Variants in OSBPL11 observed in about 807,000 individuals in gnomAD.
OSBPL11 encodes oxysterol binding protein like 11, also known as oxysterol-binding protein-related protein 11.
Under a neutral mutation model 84.4 loss-of-function variants are expected in OSBPL11, and 33 were observed. That is an observed-to-expected ratio of 0.39 (90% CI 0.30 to 0.52). The LOEUF is 0.52. Among genes scored for constraint, OSBPL11 ranks in the 20% least tolerant of loss-of-function variants. The pLI is 0.72. For synonymous variants in OSBPL11, 276 were observed against 310.2 expected (o/e 0.89, Z 1.16); for missense variants, 736 against 901.1 (o/e 0.82, Z 2.35).
chr3:125,576,157 T>C, intron 5 of OSBPL11, 32 bp downstream of exon 5: 2 of 1,570,064 alleles, frequency 1.3e-6, no homozygotes, highest in Non-Finnish European at 8.6e-7. Flanking sequence ...AATCATTTTG[T>C]GCATTTTAAC....
At chr3:125,579,489 T>C (rs758516753) in intron 3 of OSBPL11, among the ~76,000 whole-genome samples, 3 of 152,228 alleles carry the variant, frequency 2.0e-5, no homozygotes, top group African/African-American at 7.2e-5. Context: ...AATGACATTA[T>C]AATAAATCCC....
chr3:125,554,198 T>G (rs997226153), intron 8 of OSBPL11, among the ~76,000 whole-genome samples: 5 of 152,202 alleles, frequency 3.3e-5, no homozygotes, highest in Non-Finnish European at 7.4e-5. Flanking sequence ...AACAAGGTGG[T>G]CTATTCTCTA....
intron 5 of OSBPL11, among the ~76,000 whole-genome samples, chr3:125,573,178 G>A (rs1936268562): frequency 6.6e-6 from 1 of 151,728 alleles, no homozygotes; most frequent in East Asian, 1.9e-4. Context: ...TTTAGTGATG[G>A]TTCCTTGATA....
chr3:125,555,398 C>G (rs1410152347), intron 8 of OSBPL11, among the ~76,000 whole-genome samples: 1 of 152,130 alleles, frequency 6.6e-6, no homozygotes, highest in African/African-American at 2.4e-5. Flanking sequence ...ATATATACAT[C>G]TATCCTCTTA....
chr3:125,565,979 T>A (rs1936147865), intron 6 of OSBPL11, among the ~76,000 whole-genome samples: 1 of 152,100 alleles, frequency 6.6e-6, no homozygotes, highest in South Asian at 2.1e-4. Flanking sequence ...CCACAGTTTG[T>A]TCCTTTTGGT....
intron 1 of OSBPL11, among the ~76,000 whole-genome samples, chr3:125,585,216 C>T (rs1368732074): frequency 4.6e-5 from 7 of 152,132 alleles, no homozygotes; most frequent in Admixed American, 3.3e-4. Context: ...CTGCAACCTT[C>T]GCCTCTGGGG....
intron 12 of OSBPL11, 88 bp from the exon 13 acceptor site, chr3:125,530,668 G>T: frequency 9.4e-7 from 1 of 1,065,288 alleles, no homozygotes; most frequent in Admixed American, 2.0e-5. Flanking sequence ...CACTGAAATG[G>T]AATTCTATTT....
chr3:125,546,763 T>C (rs1935824149), intron 10 of OSBPL11, among the ~76,000 whole-genome samples: 1 of 152,076 alleles, frequency 6.6e-6, no homozygotes, highest in Non-Finnish European at 1.5e-5. Flanking sequence ...TGGTGGCACA[T>C]GCCGTAATCA....
intron 10 of OSBPL11, among the ~76,000 whole-genome samples, chr3:125,540,870 G>A (rs1189816432): frequency 6.6e-6 from 1 of 152,152 alleles, no homozygotes; most frequent in African/African-American, 2.4e-5. Flanking sequence ...ATATACTGCA[G>A]GTAGGCCATG....
chr3:125,576,244 T>TGCA lies in OSBPL11; in HGVS notation c.608_610dup (p.Leu203dup). 1 of 1,611,604 alleles carries TGCA rather than the reference T, an allele frequency of 6.2e-7. No individual in the cohort carries two copies. Among genetic ancestry groups the TGCA allele is most frequent in the Non-Finnish European group, 8.5e-7 (1 of 1,179,356 alleles). ...TAAATTAGTTCTTTTGCTCAGTGAT[T>TGCA]GCAGTTTGGAATGTCCAACATTAAA... On this transcript the variant is annotated inframe_insertion, in exon 5 of 13. Coordinates refer to ENST00000296220, the MANE Select transcript of OSBPL11 (RefSeq NM_022776.5).
intron 1 of OSBPL11, among the ~76,000 whole-genome samples, chr3:125,587,837 A>G (rs1287834778): frequency 2.0e-5 from 3 of 152,120 alleles, no homozygotes; most frequent in Non-Finnish European, 4.4e-5. Flanking sequence ...TACTCAGGAC[A>G]CTGAGATGGG....
chr3:125,547,446 T>G lies in OSBPL11; in HGVS notation c.1801A>C (p.Thr601Pro), dbSNP rs760914264. The G allele has an allele frequency of 1.2e-6, 2 of 1,614,050 alleles. No individual in the cohort carries two copies. Among genetic ancestry groups the G allele is most frequent in the Admixed American group, 3.3e-5 (2 of 60,004 alleles). Residue 601 changes from threonine (T) to proline (P), a missense_variant, in exon 10 of 13, where the codon ACT becomes CCT. Around this residue, in one of 3 missense-constraint regions of OSBPL11, gnomAD observed 579 missense variants for 717.6 expected, o/e 0.81. Coordinates refer to ENST00000296220, the MANE Select transcript of OSBPL11 (RefSeq NM_022776.5). ...CCATAAAATGGCTTGGTATGAAAAG[T>G]GATGCTGGCTGAATATCCAGTTTTT... ...CAKTGYSASITFHTKPFYGGK... is the reference protein window; with the variant it reads ...CAKTGYSASIPFHTKPFYGGK...
At chr3:125,546,205 G>A (rs1935812403) in intron 10 of OSBPL11, among the ~76,000 whole-genome samples, 1 of 139,258 alleles carries the variant, frequency 7.2e-6, no homozygotes, top group African/African-American at 2.7e-5. Context: ...ACAGAGTCCT[G>A]TTCTGTCACC....
At chr3:125,570,262 TGGGA>T (rs1164468646) in intron 5 of OSBPL11, among the ~76,000 whole-genome samples, 1 of 141,274 alleles carries the variant, frequency 7.1e-6, no homozygotes, top group Non-Finnish European at 1.5e-5. Context: ...GAGGCCAGGG[TGGGA>T]GGGTCACTTG....
chr3:125,554,415 C>T (rs1157597620), intron 8 of OSBPL11, among the ~76,000 whole-genome samples: 1 of 152,136 alleles, frequency 6.6e-6, no homozygotes, highest in African/African-American at 2.4e-5. Context: ...AGAAGAAAAA[C>T]CTAATGATAC....
At chr3:125,568,388 G>A (rs565770604) in intron 5 of OSBPL11, among the ~76,000 whole-genome samples, 51 of 149,240 alleles carry the variant, frequency 3.4e-4, no homozygotes, top group East Asian at 1.8e-3. Context: ...CCAAGATCGC[G>A]CCACTGCATT....
rs781184232 is a variant in OSBPL11 at position 125,560,432 on chromosome 3, T to C, written c.1102A>G (p.Ser368Gly). 2 of 1,607,550 alleles carry C rather than the reference T, an allele frequency of 1.2e-6. No homozygotes were observed. Among genetic ancestry groups the C allele is most frequent in the Admixed American group, 1.7e-5 (1 of 59,702 alleles). ...DDLGAVEEQR[S>G]VILHLLSQLK... is the part of the protein sequence containing the mutation. ...TGTGACAAGAGATGTAGGATGACAC[T>C]ACGTTGTTCTTCTACAGCTCCCAGG... The change falls in exon 8 of 13, where the codon AGT (serine) becomes GGT (glycine). Residue 368 changes from serine (S) to glycine (G), a missense_variant. By Grantham distance (56) the Ser-to-Gly change is moderately conservative. Around this residue, in one of 3 missense-constraint regions of OSBPL11, gnomAD observed 579 missense variants for 717.6 expected, o/e 0.81. Transcript: ENST00000296220.
chr3:125,560,671 T>C, intron 7 of OSBPL11, 152 bp from the exon 8 acceptor site: 1 of 634,330 alleles, frequency 1.6e-6, no homozygotes, highest in Non-Finnish European at 2.4e-6. Context: ...CAACTATTTG[T>C]CCATGGTATA....
At chr3:125,584,337 A>T (rs1209067432) in intron 1 of OSBPL11, among the ~76,000 whole-genome samples, 3 of 152,038 alleles carry the variant, frequency 2.0e-5, no homozygotes, top group Non-Finnish European at 2.9e-5. Flanking sequence ...CTGCACTCCA[A>T]CCCGGGTGGC....
Sources: gnomAD v4.1 joint callset for allele counts (sites outside exome capture counted in the v4.1 genomes callset) on GRCh38, gnomAD v4.1.1 for gene constraint, gnomAD v4.1.1 regional missense constraint, MANE v1.5 for transcripts, NCBI Gene and HGNC (gene_info 2026-07-23, HGNC 2026-07-21) for gene names.